Variants in SCAPER observed in about 807,000 individuals in gnomAD.
The protein encoded by SCAPER is S-phase cyclin A associated protein in the ER.
A neutral mutation model predicts 182.2 loss-of-function variants in SCAPER; 98 were observed. The ratio of observed to expected loss-of-function variants is 0.54; its 90% CI spans 0.46 to 0.64. SCAPER has a LOEUF of 0.64. SCAPER is among the 30% of genes least tolerant of loss of function. SCAPER has a pLI of 0.00. For missense variants in SCAPER, 1,432 were observed against 1,690.0 expected, an observed-to-expected ratio of 0.85 and a Z score of 2.68; for synonymous variants, 605 against 564.6, an observed-to-expected ratio of 1.07 and a Z score of -1.01.
At chr15:76,854,803 CAAA>C (rs35484908) in intron 4 of SCAPER, among the ~76,000 whole-genome samples, 11 of 118,340 alleles carry the variant, frequency 9.3e-5, no homozygotes, top group Admixed American at 2.6e-4. Flanking sequence ...ACTAAAAATA[CAAA>C]AAAAAAAAAA....
chr15:76,579,676 A>T (rs920646400), intron 22 of SCAPER, among the ~76,000 whole-genome samples: 2 of 152,210 alleles, frequency 1.3e-5, no homozygotes, highest in African/African-American at 4.8e-5. Context: ...GTCCTTACTT[A>T]TCAATAACTG....
chr15:76,660,914 TC>T (rs2056100342), intron 21 of SCAPER, among the ~76,000 whole-genome samples: 1 of 152,020 alleles, frequency 6.6e-6, no homozygotes, highest in Non-Finnish European at 1.5e-5. Flanking sequence ...AAAAACTGTT[TC>T]TATAAACTAG....
chr15:76,392,564 C>T (rs376872437), intron 27 of SCAPER, among the ~76,000 whole-genome samples: 2 of 62,388 alleles, frequency 3.2e-5, no homozygotes, highest in East Asian at 6.9e-4. Context: ...AGGGAGAGCT[C>T]GTCTACACAC....
chr15:76,572,889 ACTCTCTCTCT>A (rs111882465), intron 23 of SCAPER, among the ~76,000 whole-genome samples: 8 of 142,938 alleles, frequency 5.6e-5, no homozygotes, highest in African/African-American at 1.8e-4. Flanking sequence ...GCTTGCGTGC[ACTCTCTCTCT>A]CTCTCTCTCT....
chr15:76,401,444 A>G (rs2044449411), intron 27 of SCAPER, among the ~76,000 whole-genome samples: 1 of 152,164 alleles, frequency 6.6e-6, no homozygotes, highest in Admixed American at 6.5e-5. Context: ...ATTATGCAAG[A>G]GCTTCTTTAC....
At chr15:76,759,367 C>T (rs2062640315) in intron 14 of SCAPER, among the ~76,000 whole-genome samples, 1 of 152,112 alleles carries the variant, frequency 6.6e-6, no homozygotes, top group Non-Finnish European at 1.5e-5. Context: ...ACTAAATCAA[C>T]CCTGGAGGAA....
intron 23 of SCAPER, among the ~76,000 whole-genome samples, chr15:76,560,197 T>C (rs1243690628): frequency 1.3e-5 from 2 of 152,142 alleles, no homozygotes; most frequent in Non-Finnish European, 2.9e-5. Flanking sequence ...TTAGGAGGTC[T>C]CTAATCTTGG....
chr15:76,615,925 T>C (rs2051443884), intron 22 of SCAPER, among the ~76,000 whole-genome samples: 1 of 151,738 alleles, frequency 6.6e-6, no homozygotes. Context: ...AATGAGATAC[T>C]ATCTCAACTA....
chr15:76,776,576 G>A (rs1181766227), intron 8 of SCAPER, among the ~76,000 whole-genome samples: 1 of 152,124 alleles, frequency 6.6e-6, no homozygotes. Flanking sequence ...AAAAAGTAGT[G>A]GGGGGCAGAT....
intron 1 of SCAPER, among the ~76,000 whole-genome samples, chr15:76,903,407 A>G (rs2074907919): frequency 6.6e-6 from 1 of 152,202 alleles, no homozygotes; most frequent in South Asian, 2.1e-4. Flanking sequence ...CTAGTTTCCA[A>G]GGTCATATCA....
intron 20 of SCAPER, among the ~76,000 whole-genome samples, chr15:76,685,944 T>A (rs2058015455): frequency 6.6e-6 from 1 of 152,016 alleles, no homozygotes; most frequent in Non-Finnish European, 1.5e-5. Flanking sequence ...ATTGAAGATT[T>A]AAATGTCAAA....
intron 22 of SCAPER, among the ~76,000 whole-genome samples, chr15:76,610,170 A>ACTC (rs937812930): frequency 5.3e-5 from 8 of 151,866 alleles, no homozygotes; most frequent in African/African-American, 1.7e-4. Context: ...CTGTGCGCCC[A>ACTC]CTCCCAGCTT....
intron 26 of SCAPER, among the ~76,000 whole-genome samples, chr15:76,428,361 C>T (rs1397722984): frequency 3.3e-5 from 5 of 152,114 alleles, no homozygotes; most frequent in Admixed American, 6.5e-5. Context: ...CCTAAGTGTT[C>T]TTCAGTGGAT....
In SCAPER at chr15:76,552,593, T is replaced by C. The variant is rs142667160; in HGVS notation, c.2838+21565A>G. Among the ~76,000 whole-genome samples, 16 of 152,252 alleles carry C rather than the reference T, an allele frequency of 1.1e-4. 1 individual carries two copies. The East Asian group carries it at 2.9e-3, about 28-fold the overall frequency. ...GCCATGGACCTTTAGAATTCCTAGC[T>C]GCAGGAGAACTCATGACCCCCATGG... On this transcript the variant is annotated intron_variant, in intron 23 of 31. Transcript: ENST00000563290.
At chr15:76,875,855 G>A (rs757833626) in intron 2 of SCAPER, among the ~76,000 whole-genome samples, 5 of 152,238 alleles carry the variant, frequency 3.3e-5, no homozygotes, top group African/African-American at 4.8e-5. Flanking sequence ...AAGATTCACT[G>A]CAAAGAGCGA....
chr15:76,835,463 A>T (rs2068846171), intron 5 of SCAPER, among the ~76,000 whole-genome samples: 1 of 152,226 alleles, frequency 6.6e-6, no homozygotes, highest in Non-Finnish European at 1.5e-5. Context: ...ATCTCAACAG[A>T]CACAGAAAAG....
chr15:76,490,792 C>T (rs1205014527), intron 24 of SCAPER, among the ~76,000 whole-genome samples: 1 of 152,124 alleles, frequency 6.6e-6, no homozygotes, highest in Non-Finnish European at 1.5e-5. Context: ...AGTCTTCAAT[C>T]CATTTTCAGT....
In SCAPER at chr15:76,593,215, G is replaced by A. The variant is rs1347129126; in HGVS notation, c.2712-18931C>T. Among the ~76,000 whole-genome samples the A allele has an allele frequency of 4.1e-5, 5 of 121,490 alleles. 1 individual carries two copies. Among genetic ancestry groups the A allele is most frequent in the South Asian group, 2.6e-4 (1 of 3,918 alleles). 79.7% of individuals were successfully genotyped at this position (121,490 alleles called of 152,430 possible). Reference sequence around the variant, plus strand: ...TAAACAAAGCCACTGGGAAGTTCGAGCTGGGTGGAGGCATCATAGCTCCGC... The same window carrying A: ...TAAACAAAGCCACTGGGAAGTTCGAACTGGGTGGAGGCATCATAGCTCCGC... On this transcript the variant is annotated intron_variant, in intron 22 of 31. Coordinates refer to ENST00000563290, the MANE Select transcript of SCAPER (RefSeq NM_020843.4).
chr15:76,828,519 C>CTA (rs1191080902), intron 5 of SCAPER, among the ~76,000 whole-genome samples: 1 of 152,140 alleles, frequency 6.6e-6, no homozygotes, highest in Non-Finnish European at 1.5e-5. Context: ...TGACAGCTAT[C>CTA]TATCTCTACA....
Sources: gnomAD v4.1 joint callset for allele counts (sites outside exome capture counted in the v4.1 genomes callset) on GRCh38, gnomAD v4.1.1 for gene constraint, MANE v1.5 for transcripts, NCBI Gene and HGNC (gene_info 2026-07-23, HGNC 2026-07-21) for gene names.